Variants in CXADR observed in about 807,000 individuals in gnomAD.
CXADR encodes coxsackievirus and adenovirus receptor.
A neutral mutation model predicts 40.3 loss-of-function variants in CXADR; 20 were observed. That is an observed-to-expected ratio of 0.50 (90% CI 0.35 to 0.72). The LOEUF (loss-of-function observed/expected upper bound fraction) is 0.72. Ranked by LOEUF, CXADR falls within the 30% of genes least tolerant of loss-of-function variation. CXADR has a pLI of 0.01. For missense variants in CXADR, 332 were observed against 449.1 expected (o/e 0.74, Z 2.36); for synonymous variants, 150 against 161.3 (o/e 0.93, Z 0.53).
chr21:17,621,501 G>A, the CXADR span, among the ~76,000 whole-genome samples: 4 of 152,196 alleles, frequency 2.6e-5, no homozygotes, highest in African/African-American at 9.7e-5. Context: ...TACAGTCAAA[G>A]ATACTGCTAT....
At chr21:17,593,318 T>C (rs1186303802) in exon 8 of CXADR, 2 of 861,236 alleles carry the variant, frequency 2.3e-6, no homozygotes, top group Non-Finnish European at 3.1e-6. Context: ...TAAGAACACA[T>C]CTACTTTATG....
At chr21:17,532,371 A>G (rs2060689440) in intron 1 of CXADR, among the ~76,000 whole-genome samples, 2 of 152,080 alleles carry the variant, frequency 1.3e-5, no homozygotes, top group South Asian at 2.1e-4. Flanking sequence ...TCCCATTTCA[A>G]AAAGAACCTT....
intron 1 of CXADR, among the ~76,000 whole-genome samples, chr21:17,525,759 T>C (rs184875530): frequency 4.5e-4 from 69 of 152,296 alleles, no homozygotes; most frequent in Admixed American, 1.7e-3. Flanking sequence ...CACACGCATC[T>C]CATTTAGAGC....
intron 1 of CXADR, among the ~76,000 whole-genome samples, chr21:17,533,499 A>G (rs1432356698): frequency 6.6e-6 from 1 of 152,180 alleles, no homozygotes; most frequent in African/African-American, 2.4e-5. Flanking sequence ...GTGGCTCCAG[A>G]ATCAGTCGGC....
chr21:17,564,798 AATCTTGGCTCACTGCAAC>A (rs2061181021), intron 6 of CXADR, among the ~76,000 whole-genome samples: 1 of 152,100 alleles, frequency 6.6e-6, no homozygotes, highest in Non-Finnish European at 1.5e-5. Context: ...GCTGTGGCGC[AATCTTGGCTCACTGCAAC>A]TTTGGCCTCC....
At chr21:17,630,533 T>C in the CXADR span, among the ~76,000 whole-genome samples, 1 of 152,172 alleles carries the variant, frequency 6.6e-6, no homozygotes, top group African/African-American at 2.4e-5. Flanking sequence ...TATCCCTGAC[T>C]GTCTAAAATA....
At position 17,532,508 on chromosome 21, in the gene CXADR, G is replaced by A. The variant is rs199663541; in HGVS notation, c.44-14519G>A. Reference sequence around the variant, plus strand: ...TGTGGTCAGATAATATCCTGTTGCAGCTCCCCAAAACCTTCACTAAATCTG... The same window carrying A: ...TGTGGTCAGATAATATCCTGTTGCAACTCCCCAAAACCTTCACTAAATCTG... On this transcript the variant is annotated intron_variant, in intron 1 of 6. Transcript: ENST00000284878. 4.7e-4 allele frequency among the ~76,000 whole-genome samples: 23 copies of A among 48,568 alleles called. 1 individual carries two copies. In the South Asian group the frequency reaches 0.013, roughly 27 times the overall value. The allele number at this position is 48,568 out of a possible 152,430, so 31.9% of individuals were successfully genotyped here.
intron 1 of CXADR, chr21:17,543,011 T>A: frequency 2.8e-6 from 1 of 360,338 alleles, no homozygotes. Context: ...TCTCAAGATT[T>A]TAATTCATTT....
the CXADR span, among the ~76,000 whole-genome samples, chr21:17,634,314 TAGCTAAAAGACAA>T: frequency 2.0e-5 from 3 of 152,216 alleles, no homozygotes; most frequent in African/African-American, 7.2e-5. Context: ...CATTCTATCA[TAGCTAAAAGACAA>T]AGTACTTTTT....
intron 7 of CXADR, among the ~76,000 whole-genome samples, chr21:17,578,561 G>A (rs977934256): frequency 5.3e-5 from 8 of 152,206 alleles, no homozygotes; most frequent in Non-Finnish European, 7.3e-5. Flanking sequence ...GCAGGGCTGG[G>A]CTCAATGGCT....
At chr21:17,543,039 A>G in intron 1 of CXADR, 1 of 378,102 alleles carries the variant, frequency 2.6e-6, no homozygotes, top group Non-Finnish European at 5.3e-6. Flanking sequence ...AACACAGTGA[A>G]GAGGAATTGA....
At chr21:17,540,804 T>A (rs1034109077) in intron 1 of CXADR, among the ~76,000 whole-genome samples, 5 of 152,252 alleles carry the variant, frequency 3.3e-5, no homozygotes, top group African/African-American at 1.2e-4. Context: ...TGATTTACTT[T>A]CTGTGTTGCC....
chr21:17,601,355 T>TAGTATAA, the CXADR span, among the ~76,000 whole-genome samples: 1 of 152,088 alleles, frequency 6.6e-6, no homozygotes. Flanking sequence ...TGACTCTTCG[T>TAGTATAA]AGTATAAAAT....
intron 4 of CXADR, 91 bp downstream of exon 4, chr21:17,559,222 T>C (rs2123300166): frequency 7.4e-7 from 1 of 1,342,800 alleles, no homozygotes; most frequent in Non-Finnish European, 1.0e-6. Context: ...AGGGCCTTGC[T>C]CTGTCACCCA....
intron 1 of CXADR, among the ~76,000 whole-genome samples, chr21:17,540,178 G>T (rs9983335): frequency 6.6e-6 from 1 of 152,006 alleles, no homozygotes; most frequent in Non-Finnish European, 1.5e-5. Context: ...AGTTCCTTCT[G>T]TTCTGGGCTC....
intron 1 of CXADR, among the ~76,000 whole-genome samples, chr21:17,527,465 G>T (rs142145852): frequency 4.0e-4 from 61 of 152,256 alleles, no homozygotes; most frequent in African/African-American, 1.4e-3. Context: ...AAGTTTGAGG[G>T]CAAATAAATA....
chr21:17,591,805 A>G (rs2061437766), intron 7 of CXADR, among the ~76,000 whole-genome samples: 1 of 151,856 alleles, frequency 6.6e-6, no homozygotes, highest in South Asian at 2.1e-4. Context: ...TCTAAGGGAG[A>G]CAAACTTAAG....
chr21:17,568,407 C>A lies in CXADR; in HGVS notation c.*2715C>A. On this transcript the variant is annotated 3_prime_UTR_variant, in exon 7 of 7. Coordinates refer to ENST00000284878, the MANE Select transcript of CXADR (RefSeq NM_001338.5). Reference sequence around the variant, plus strand: ...CCTCCCAAAGTGCTGGGATTACAGGCGTGAACCACTGCACCCGGCCCAGTA... The same window carrying A: ...CCTCCCAAAGTGCTGGGATTACAGGAGTGAACCACTGCACCCGGCCCAGTA... 1 of 982,842 alleles carries A rather than the reference C, an allele frequency of 1.0e-6. No individual in the cohort carries two copies. The highest frequency in any genetic ancestry group is 1.2e-6 in the Non-Finnish European group (1 of 827,824). The allele number at this position is 982,842 out of a possible 1,614,324, so 60.9% of individuals were successfully genotyped here. A position where few individuals can be genotyped will look rare whatever the true frequency, so the allele number is the denominator to read the frequency against.
downstream of CXADR, among the ~76,000 whole-genome samples, chr21:17,596,504 A>G (rs1345147102): frequency 2.0e-5 from 3 of 151,982 alleles, no homozygotes; most frequent in Non-Finnish European, 4.4e-5. Context: ...TTTTTCCTAC[A>G]CAGATCATCC....
Sources: allele counts gnomAD v4.1 joint callset (sites outside exome capture counted in the v4.1 genomes callset), GRCh38; gene constraint gnomAD v4.1.1; transcripts MANE v1.5; gene names NCBI Gene and HGNC (gene_info 2026-07-23, HGNC 2026-07-21).